AGAP1: variants seen among roughly 807,000 people sequenced by gnomAD.
AGAP1 encodes arf-GAP with GTPase, ANK repeat and PH domain-containing protein 1.
Under a neutral mutation model 105.3 loss-of-function variants are expected in AGAP1, and 29 were observed. The observed-to-expected ratio is 0.28, with a 90% CI of 0.21 to 0.38. The LOEUF is 0.38. Among genes scored for constraint, AGAP1 ranks in the 10% least tolerant of loss-of-function variants. The pLI is 1.00. For missense variants in AGAP1, 998 were observed against 1,165.1 expected, an observed-to-expected ratio of 0.86 and a Z score of 2.09; for synonymous variants, 509 against 485.9, an observed-to-expected ratio of 1.05 and a Z score of -0.63.
intron 1 of AGAP1, among the ~76,000 whole-genome samples, chr2:235,624,708 A>G (rs906787212): frequency 1.3e-5 from 2 of 151,716 alleles, no homozygotes; most frequent in African/African-American, 4.8e-5. Flanking sequence ...TAGGGTTTGG[A>G]AGTTTGTCCC....
At chr2:235,806,587 T>C (rs956709796) in intron 8 of AGAP1, among the ~76,000 whole-genome samples, 2 of 152,198 alleles carry the variant, frequency 1.3e-5, no homozygotes, top group African/African-American at 4.8e-5. Flanking sequence ...CTCAGGACCT[T>C]GTCAAATAAA....
rs1158836923 is a variant in AGAP1, at chr2:235,932,232, C to A, written c.1483+1309C>A. ...GAAGCCCCGCCACCTGCCAGCCAGG[C>A]AGCCTAGGATGAGCCTCCGTACCTC... is the stretch of plus-strand genomic sequence containing the variant. On this transcript the variant is annotated intron_variant, in intron 12 of 17. Transcript: ENST00000304032. Among the ~76,000 whole-genome samples, 3 of 152,218 alleles carry A rather than the reference C, an allele frequency of 2.0e-5. No individual in the cohort carries two copies. The East Asian group carries it at 5.8e-4, about 29-fold the overall frequency.
chr2:235,975,166 G>A (rs980046518), intron 13 of AGAP1, among the ~76,000 whole-genome samples: 1 of 152,178 alleles, frequency 6.6e-6, no homozygotes, highest in African/African-American at 2.4e-5. Flanking sequence ...ACCAGTGGTG[G>A]TGATTTAATT....
chr2:235,941,849 T>TG (rs36056186), intron 12 of AGAP1, among the ~76,000 whole-genome samples: 85,139 of 150,856 alleles, frequency 0.56, 24,401 homozygotes, highest in African/African-American at 0.67. Context: ...GCTTTGTTGT[T>TG]GGGGGGGTAA....
At chr2:235,506,727 A>T (rs1015488918) in intron 1 of AGAP1, among the ~76,000 whole-genome samples, 1 of 152,188 alleles carries the variant, frequency 6.6e-6, no homozygotes, top group Admixed American at 6.5e-5. Flanking sequence ...GCAAAGCCAC[A>T]CACGAAAGCT....
chr2:235,534,340 G>A (rs1943140041), intron 1 of AGAP1, among the ~76,000 whole-genome samples: 1 of 152,208 alleles, frequency 6.6e-6, no homozygotes, highest in African/African-American at 2.4e-5. Context: ...GGTCGCTGCT[G>A]TGATGATAGG....
At chr2:235,644,837 G>T (rs1464263515) in intron 1 of AGAP1, among the ~76,000 whole-genome samples, 1 of 152,146 alleles carries the variant, frequency 6.6e-6, no homozygotes, top group East Asian at 1.9e-4. Flanking sequence ...TGTCTTTCAA[G>T]GATGACTTGC....
At chr2:235,604,168 A>C (rs1403952204) in intron 1 of AGAP1, among the ~76,000 whole-genome samples, 1 of 152,026 alleles carries the variant, frequency 6.6e-6, no homozygotes, top group Non-Finnish European at 1.5e-5. Context: ...ATTGGTTCAG[A>C]TGTATCATTC....
At position 236,003,336 on chromosome 2, in the gene AGAP1, C is replaced by T. The variant is rs751565037; in HGVS notation, c.1646-33225C>T. Among the ~76,000 whole-genome samples, 45 of 152,332 alleles carry T rather than the reference C, an allele frequency of 3.0e-4. No homozygotes were observed. The highest frequency in any genetic ancestry group is 4.6e-4 in the Non-Finnish European group (31 of 68,032). On this transcript the variant is annotated intron_variant, in intron 13 of 17. Transcript: ENST00000304032. This position sits in a 1 kb window ranked among gnomAD's most constrained non-coding sequence, Gnocchi z 4.2. ...CCAGGATTACAAGAGTGAGCCACCA[C>T]GCCCAGCCCAGGATGCTTTCTTTTC...
At position 236,056,045 on chromosome 2, in the gene AGAP1, A is replaced by G. The variant is rs900175474; in HGVS notation, c.2114+6764A>G. On this transcript the variant is annotated intron_variant, in intron 16 of 17. Coordinates refer to ENST00000304032, the MANE Select transcript of AGAP1 (RefSeq NM_001037131.3). The surrounding 1 kb of genome is among the most constrained non-coding windows in gnomAD (Gnocchi z 4.6). ...ATTACAGTTGACAACAGATAGAGCA[A>G]TGCATCTAGTGAACCTCCACCAGGG... is the stretch of plus-strand genomic sequence containing the variant. 8.5e-5 allele frequency among the ~76,000 whole-genome samples: 13 copies of G among 152,362 alleles called. No individual in the cohort carries two copies. The highest frequency in any genetic ancestry group is 2.4e-4 in the African/African-American group (10 of 41,588).
At chr2:235,588,377 C>T (rs970444463) in intron 1 of AGAP1, among the ~76,000 whole-genome samples, 1 of 152,130 alleles carries the variant, frequency 6.6e-6, no homozygotes, top group Non-Finnish European at 1.5e-5. Context: ...CTCCACTTCT[C>T]TACACTCAAC....
rs541845205 is a variant in AGAP1 at position 235,665,780 on chromosome 2, A to G, written c.164-43399A>G. Among the ~76,000 whole-genome samples, 2 of 152,250 alleles carry G rather than the reference A, an allele frequency of 1.3e-5. No individual in the cohort carries two copies. The highest frequency in any genetic ancestry group is 1.9e-4 in the East Asian group (1 of 5,184). ...TACCAGTGGTTGGCCAGTTTCTACCATCAGCAGACGCGGTTCTGCTAAGAT... is the reference window on the plus strand; with the variant it reads ...TACCAGTGGTTGGCCAGTTTCTACCGTCAGCAGACGCGGTTCTGCTAAGAT... On this transcript the variant is annotated intron_variant, in intron 1 of 17. Coordinates refer to ENST00000304032, the MANE Select transcript of AGAP1 (RefSeq NM_001037131.3). The surrounding 1 kb of genome is among the most constrained non-coding windows in gnomAD (Gnocchi z 5.3).
At position 236,040,966 on chromosome 2, in the gene AGAP1, G is replaced by A. The variant is rs2057532662; in HGVS notation, c.1891+125G>A. ...GGCAGATAAGAGTTAACTGCTTTTA[G>A]GAAATTGAGATATTTTGTTTGGATT... On this transcript the variant is annotated intron_variant, in intron 15 of 17. Transcript: ENST00000304032. This position sits in a 1 kb window ranked among gnomAD's most constrained non-coding sequence, Gnocchi z 5.6. 1.1e-6 allele frequency: 1 copy of A among 915,958 alleles called. No homozygotes were observed. Among genetic ancestry groups the A allele is most frequent in the Admixed American group, 2.5e-5 (1 of 40,172 alleles). The allele number at this position is 915,958 out of a possible 1,614,324, so 56.7% of individuals were successfully genotyped here.
rs1476427287 is a variant in AGAP1 at position 235,691,742 on chromosome 2, C to G, written c.164-17437C>G. ...CTGGGGACCACGCCTCCCTTCCCTT[C>G]CTTCCCTGTCCTGAGTGTGACCTCC... On this transcript the variant is annotated intron_variant, in intron 1 of 17. Coordinates refer to ENST00000304032, the MANE Select transcript of AGAP1 (RefSeq NM_001037131.3). The surrounding 1 kb of genome is among the most constrained non-coding windows in gnomAD (Gnocchi z 4.4). 6.6e-6 allele frequency among the ~76,000 whole-genome samples: 1 copy of G among 152,216 alleles called. No individual in the cohort carries two copies. The highest frequency in any genetic ancestry group is 2.4e-5 in the African/African-American group (1 of 41,456).
In AGAP1 at chr2:235,792,677, G is replaced by A. The variant is rs1468501424; in HGVS notation, c.674-5082G>A. ...ATCTGTTAGGTCTGTTCTGTCCATG[G>A]TGAAGAGCGGGTTGTGCCATCGACT... On this transcript the variant is annotated intron_variant, in intron 6 of 17. Coordinates refer to ENST00000304032, the MANE Select transcript of AGAP1 (RefSeq NM_001037131.3). This position sits in a 1 kb window ranked among gnomAD's most constrained non-coding sequence, Gnocchi z 5.3. Among the ~76,000 whole-genome samples, 1 of 152,198 alleles carries A rather than the reference G, an allele frequency of 6.6e-6. No homozygotes were observed. Among genetic ancestry groups the A allele is most frequent in the African/African-American group, 2.4e-5 (1 of 41,456 alleles).
At position 236,062,081 on chromosome 2, in the gene AGAP1, C is replaced by T. The variant is rs2058212409; in HGVS notation, c.2114+12800C>T. 6.6e-6 allele frequency among the ~76,000 whole-genome samples: 1 copy of T among 152,062 alleles called. No individual in the cohort carries two copies. Among genetic ancestry groups the T allele is most frequent in the South Asian group, 2.1e-4 (1 of 4,822 alleles). On this transcript the variant is annotated intron_variant, in intron 16 of 17. Coordinates refer to ENST00000304032, the MANE Select transcript of AGAP1 (RefSeq NM_001037131.3). The surrounding 1 kb of genome is among the most constrained non-coding windows in gnomAD (Gnocchi z 4.2). Reference sequence around the variant, plus strand: ...GCAGGATGTGCACTGCAGCCAAATTCCTGCCCTGCGGACGGCCCACAGGGG... The same window carrying T: ...GCAGGATGTGCACTGCAGCCAAATTTCTGCCCTGCGGACGGCCCACAGGGG...
chr2:235,645,427 A>T (rs1947340828), intron 1 of AGAP1, among the ~76,000 whole-genome samples: 1 of 152,216 alleles, frequency 6.6e-6, no homozygotes, highest in Non-Finnish European at 1.5e-5. Flanking sequence ...CTATTATTAG[A>T]TGGCAACAGA....
chr2:235,652,282 C>T (rs141604091), intron 1 of AGAP1, among the ~76,000 whole-genome samples: 18 of 152,202 alleles, frequency 1.2e-4, no homozygotes, highest in African/African-American at 3.1e-4. Context: ...CAGGAGATGG[C>T]CATCTTAGTT....
intron 6 of AGAP1, among the ~76,000 whole-genome samples, chr2:235,767,933 C>T (rs1407900666): frequency 6.6e-6 from 1 of 151,932 alleles, no homozygotes; most frequent in African/African-American, 2.4e-5. Context: ...TACAGGCACC[C>T]ACGCCATCAT....
Sources: gnomAD v4.1 joint callset for allele counts (sites outside exome capture counted in the v4.1 genomes callset) on GRCh38, gnomAD v4.1.1 for gene constraint, Gnocchi (gnomAD v3.1) non-coding constraint, MANE v1.5 for transcripts, NCBI Gene and HGNC (gene_info 2026-07-23, HGNC 2026-07-21) for gene names.